The following PIBF1 variants were observed in gnomAD, a reference collection of about 807,000 sequenced individuals.
The protein encoded by PIBF1 is progesterone-induced-blocking factor 1.
In PIBF1, 90 loss-of-function variants were observed where a neutral mutation model predicts 112.5. That is an observed-to-expected ratio of 0.80 (90% CI 0.67 to 0.95). The LOEUF is 0.95. PIBF1 is among the 40% of genes least tolerant of loss of function. The pLI is 0.00. For missense variants in PIBF1, 915 were observed against 852.3 expected (o/e 1.07, Z -0.92); for synonymous variants, 301 against 288.6 (o/e 1.04, Z -0.44).
At chr13:72,868,205 G>A (rs1321530127) in intron 10 of PIBF1, among the ~76,000 whole-genome samples, 3 of 151,882 alleles carry the variant, frequency 2.0e-5, no homozygotes, top group Non-Finnish European at 4.4e-5. Flanking sequence ...GGAGGCTGAG[G>A]TTGAAGGATC....
intron 9 of PIBF1, among the ~76,000 whole-genome samples, chr13:72,842,376 C>T (rs1027557622): frequency 6.6e-6 from 1 of 152,010 alleles, no homozygotes; most frequent in Admixed American, 6.6e-5. Flanking sequence ...AGGGGGTAGG[C>T]AGTAGAGAAA....
chr13:72,939,567 C>G (rs1175770805), intron 14 of PIBF1, among the ~76,000 whole-genome samples: 1 of 152,082 alleles, frequency 6.6e-6, no homozygotes, highest in Non-Finnish European at 1.5e-5. Flanking sequence ...GTACTTTAAC[C>G]CTTTTTATGG....
intron 16 of PIBF1, among the ~76,000 whole-genome samples, chr13:72,981,564 T>C (rs1331860466): frequency 6.6e-6 from 1 of 152,032 alleles, no homozygotes; most frequent in East Asian, 1.9e-4. Context: ...AGTTCCCATC[T>C]AATGGATGTT....
At chr13:72,875,621 T>C (rs988911951) in intron 10 of PIBF1, among the ~76,000 whole-genome samples, 1 of 152,200 alleles carries the variant, frequency 6.6e-6, no homozygotes. Flanking sequence ...GTGTTCTGGA[T>C]TTGGGCCTTT....
chr13:72,927,951 A>ATC (rs2041546881), intron 13 of PIBF1, among the ~76,000 whole-genome samples: 2 of 63,908 alleles, frequency 3.1e-5, no homozygotes, highest in East Asian at 4.6e-4. Context: ...GTGTGTATAT[A>ATC]TATATATACA....
chr13:72,921,966 C>G (rs11148926), intron 13 of PIBF1, among the ~76,000 whole-genome samples: 31,663 of 151,922 alleles, frequency 0.21, 3,387 homozygotes, highest in Middle Eastern at 0.27. Context: ...GGATACCCCC[C>G]AAACATGAAA....
At chr13:72,821,003 G>A (rs2036533925) in intron 5 of PIBF1, among the ~76,000 whole-genome samples, 1 of 152,184 alleles carries the variant, frequency 6.6e-6, no homozygotes, top group South Asian at 2.1e-4. Flanking sequence ...TTACACTCTG[G>A]TGAGATAAAG....
chr13:72,818,619 T>G (rs1381512164), intron 5 of PIBF1, among the ~76,000 whole-genome samples: 1 of 151,942 alleles, frequency 6.6e-6, no homozygotes, highest in Non-Finnish European at 1.5e-5. Flanking sequence ...AATTTGTTTC[T>G]TTATCAATCC....
At chr13:72,845,082 A>G (rs2037808310) in intron 9 of PIBF1, among the ~76,000 whole-genome samples, 1 of 151,520 alleles carries the variant, frequency 6.6e-6, no homozygotes, top group African/African-American at 2.4e-5. Context: ...CAACGGGTCC[A>G]TCTAGGTTTT....
At chr13:72,988,511 G>C (rs61966211) in intron 16 of PIBF1, among the ~76,000 whole-genome samples, 3 of 151,844 alleles carry the variant, frequency 2.0e-5, no homozygotes, top group South Asian at 4.1e-4. Context: ...TGTCCTTTAT[G>C]TAGTGTATAG....
chr13:72,847,642 G>A (rs1009743634), intron 9 of PIBF1, among the ~76,000 whole-genome samples: 8 of 152,154 alleles, frequency 5.3e-5, no homozygotes, highest in African/African-American at 1.9e-4. Context: ...GGAAAGTGTA[G>A]CATTTTCAGT....
At chr13:72,936,326 C>T (rs1471554748) in intron 14 of PIBF1, among the ~76,000 whole-genome samples, 1 of 151,978 alleles carries the variant, frequency 6.6e-6, no homozygotes, top group African/African-American at 2.4e-5. Flanking sequence ...GTGAGCCATC[C>T]CACCCAGCCA....
chr13:72,999,744 T>TA (rs1002513482), intron 17 of PIBF1, among the ~76,000 whole-genome samples: 2 of 152,130 alleles, frequency 1.3e-5, no homozygotes, highest in African/African-American at 2.4e-5. Context: ...CCTCCCTTTT[T>TA]AAAAAAATGA....
chr13:72,925,826 G>A (rs1345756161), intron 13 of PIBF1, among the ~76,000 whole-genome samples: 4 of 151,982 alleles, frequency 2.6e-5, no homozygotes, highest in African/African-American at 9.7e-5. Flanking sequence ...ATAGGCATGA[G>A]CCACCGCACC....
rs2036298162 is a variant in PIBF1, at chr13:72,816,856, T to C, written c.673-4993T>C. On this transcript the variant is annotated intron_variant, in intron 5 of 17. Coordinates refer to ENST00000326291, the MANE Select transcript of PIBF1 (RefSeq NM_006346.4). Reference sequence around the variant, plus strand: ...TCTGTCTTTAGAATCAATTTTTTTTTTGAAAAATTTCTTGAAGATCTTAAC... The same window carrying C: ...TCTGTCTTTAGAATCAATTTTTTTTCTGAAAAATTTCTTGAAGATCTTAAC... Among the ~76,000 whole-genome samples, 4 of 152,178 alleles carry C rather than the reference T, an allele frequency of 2.6e-5. No individual in the cohort carries two copies. In the South Asian group the frequency reaches 8.3e-4, roughly 31 times the overall value.
intron 12 of PIBF1, among the ~76,000 whole-genome samples, chr13:72,913,441 G>A (rs566838601): frequency 1.3e-5 from 2 of 152,182 alleles, no homozygotes; most frequent in South Asian, 4.1e-4. Context: ...ATGGAAACGG[G>A]TGGATATATG....
chr13:72,927,958 T>TATATATATAC (rs1354110275), intron 13 of PIBF1, among the ~76,000 whole-genome samples: 3 of 73,088 alleles, frequency 4.1e-5, no homozygotes, highest in African/African-American at 1.7e-4. Flanking sequence ...TATATATATA[T>TATATATATAC]ACACATATAT....
intron 8 of PIBF1, 70 bp from the exon 9 acceptor site, chr13:72,835,173 C>G: frequency 1.7e-6 from 2 of 1,155,732 alleles, no homozygotes; most frequent in Non-Finnish European, 2.4e-6. Flanking sequence ...GTATTAAAAT[C>G]TTACGTACAG....
chr13:72,813,557 T>A (rs996799488), intron 5 of PIBF1, among the ~76,000 whole-genome samples: 2 of 152,188 alleles, frequency 1.3e-5, no homozygotes, highest in Non-Finnish European at 2.9e-5. Context: ...GGAGCCAGGA[T>A]GATATGACCA....
Sources: gnomAD v4.1 joint callset for allele counts (sites outside exome capture counted in the v4.1 genomes callset) on GRCh38, gnomAD v4.1.1 for gene constraint, MANE v1.5 for transcripts, NCBI Gene and HGNC (gene_info 2026-07-23, HGNC 2026-07-21) for gene names.